Variants in FLT4 observed in about 807,000 individuals in gnomAD.
The protein encoded by FLT4 is vascular endothelial growth factor receptor 3.
In FLT4, 30 loss-of-function variants were observed where a neutral mutation model predicts 163.2. The observed-to-expected ratio is 0.18, with a 90% confidence interval of 0.14 to 0.25. The LOEUF is 0.25. Among genes scored for constraint, FLT4 ranks in the 10% least tolerant of loss-of-function variants. The pLI is 1.00. For synonymous variants in FLT4, 884 were observed against 789.5 expected (o/e 1.12, Z -2.01); for missense variants, 1,510 against 1,863.8 (o/e 0.81, Z 3.50).
chr5:180,650,267 G>T (rs939781812), upstream of FLT4, among the ~76,000 whole-genome samples: 2 of 151,866 alleles, frequency 1.3e-5, no homozygotes, highest in African/African-American at 4.8e-5. Flanking sequence ...CCCGTGAGCG[G>T]GACACCCGGG....
intron 24 of FLT4, 60 bp from the exon 25 acceptor site, chr5:180,613,170 C>T: frequency 8.4e-7 from 1 of 1,186,078 alleles, no homozygotes; most frequent in East Asian, 2.3e-5. Flanking sequence ...GCCCAGCCCC[C>T]CAAGTCACCC....
chr5:180,644,919 A>T (rs1031543125), intron 1 of FLT4, among the ~76,000 whole-genome samples: 54 of 152,234 alleles, frequency 3.5e-4, no homozygotes, highest in African/African-American at 1.3e-3. Flanking sequence ...CCTGCCCCGG[A>T]AGGCCCCTTC....
intron 21 of FLT4, 126 bp downstream of exon 21, chr5:180,618,643 TA>T: frequency 9.7e-7 from 1 of 1,029,960 alleles, no homozygotes; most frequent in Non-Finnish European, 1.4e-6. Context: ...CTTCCCTTCC[TA>T]AGGCAGAGCC....
intron 8 of FLT4, among the ~76,000 whole-genome samples, chr5:180,626,692 G>T (rs961094536): frequency 3.9e-5 from 6 of 152,218 alleles, no homozygotes; most frequent in Admixed American, 3.9e-4. Flanking sequence ...GCTGGGCACG[G>T]CCTGGAGACC....
At chr5:180,628,472 C>G (rs865936960) in intron 8 of FLT4, among the ~76,000 whole-genome samples, 4 of 152,354 alleles carry the variant, frequency 2.6e-5, no homozygotes, top group South Asian at 4.1e-4. Flanking sequence ...TGTGGCATCT[C>G]CAAATTTCTG....
Position 180,616,388 on chromosome 5 carries a change from G to C in FLT4, c.3198C>G (p.Pro1066=). The part of the protein sequence containing the change: ...FGLARDIYKD[P]DYVRKGSARL... ...TCACACTGCCCTTGCGGACGTAGTC[G>C]GGGTCTTTGTAGATGTCCCGGGCAA... is the stretch of plus-strand genomic sequence containing the variant. Residue 1066 remains proline (P), a synonymous_variant, in exon 23 of 30, where the codon CCC becomes CCG. Coordinates refer to ENST00000261937, the MANE Select transcript of FLT4 (RefSeq NM_182925.5). 6.2e-7 allele frequency: 1 copy of C among 1,613,820 alleles called. No homozygotes were observed. Among genetic ancestry groups the C allele is most frequent in the Non-Finnish European group, 8.5e-7 (1 of 1,179,928 alleles).
At chr5:180,610,707 C>T (rs1204817958) in intron 27 of FLT4, among the ~76,000 whole-genome samples, 1 of 152,216 alleles carries the variant, frequency 6.6e-6, no homozygotes, top group Non-Finnish European at 1.5e-5. Context: ...TTTAGATAAT[C>T]AGAGATTCCT....
chr5:180,632,992 C>G (rs1322098509), intron 1 of FLT4, among the ~76,000 whole-genome samples: 2 of 152,026 alleles, frequency 1.3e-5, no homozygotes, highest in Non-Finnish European at 2.9e-5. Flanking sequence ...CTTCTGCCCC[C>G]AGGCCCCTCC....
chr5:180,605,395 A>G (rs1211404697), intron 29 of FLT4, among the ~76,000 whole-genome samples: 2 of 152,126 alleles, frequency 1.3e-5, no homozygotes, highest in Admixed American at 6.5e-5. Flanking sequence ...TTGTTTCCTT[A>G]TATGTTTAAT....
In FLT4 at chr5:180,618,863, C is replaced by G; in HGVS notation, c.2908G>C (p.Asp970His). ...FRAMVELARL[D>H]RRRPGSSDRV... The stretch of plus-strand genomic sequence containing the variant: ...TCGCTGCTCCCCGGCCGCCTCCGAT[C>G]CAGCCTGGCGAGCTCCACCATGGCG... Residue 970 changes from aspartate to histidine, a missense_variant, in exon 21 of 30, where the codon GAT becomes CAT. Asp to His is a moderately conservative substitution (Grantham distance 81). Transcript: ENST00000261937. 3 of 1,584,264 alleles carry G rather than the reference C, an allele frequency of 1.9e-6. No individual in the cohort carries two copies. Among genetic ancestry groups the G allele is most frequent in the Non-Finnish European group, 2.6e-6 (3 of 1,165,898 alleles).
Position 180,628,217 on chromosome 5 carries a change from G to C in FLT4, c.1103+665C>G, listed in dbSNP as rs1043498904. On this transcript the variant is annotated intron_variant, in intron 8 of 29. Coordinates refer to ENST00000261937, the MANE Select transcript of FLT4 (RefSeq NM_182925.5). Reference sequence around the variant, plus strand: ...GGGACTCAAAGTGTGACTGACTGTGGGTGAGCCATGTGGATGACTCAGACG... The same window carrying C: ...GGGACTCAAAGTGTGACTGACTGTGCGTGAGCCATGTGGATGACTCAGACG... Among the ~76,000 whole-genome samples the C allele has an allele frequency of 6.6e-5, 10 of 152,344 alleles. No individual in the cohort carries two copies. The South Asian group carries it at 2.1e-3, about 32-fold the overall frequency.
In FLT4 at chr5:180,630,938, C is replaced by T. The variant is rs1013524072; in HGVS notation, c.156-139G>A. 2.8e-6 allele frequency: 3 copies of T among 1,067,948 alleles called. No individual in the cohort carries two copies. The highest frequency in any genetic ancestry group is 3.2e-5 in the African/African-American group (2 of 62,668). The allele number at this position is 1,067,948 out of a possible 1,614,324, so 66.2% of individuals were successfully genotyped here. On this transcript the variant is annotated intron_variant, in intron 2 of 29. Coordinates refer to ENST00000261937, the MANE Select transcript of FLT4 (RefSeq NM_182925.5). The surrounding 1 kb of genome is among the most constrained non-coding windows in gnomAD (Gnocchi z 6.3). ...CTGCCCAGGGTTTGGGCGCACACTACAGACCGTGCCCAGGGCAGGGCACTC... is the reference window on the plus strand; with the variant it reads ...CTGCCCAGGGTTTGGGCGCACACTATAGACCGTGCCCAGGGCAGGGCACTC...
At chr5:180,613,655 G>T in intron 24 of FLT4, 1 of 322,248 alleles carries the variant, frequency 3.1e-6, no homozygotes. Context: ...GTTGCCACTT[G>T]GTGACATTTT....
In FLT4 at chr5:180,626,260, T is replaced by C. The variant is rs778849804; in HGVS notation, c.1109A>G (p.Lys370Arg). 3.7e-6 allele frequency: 6 copies of C among 1,612,082 alleles called. No homozygotes were observed. The East Asian group carries it at 1.3e-4, about 36-fold the overall frequency. Residue 370 changes from lysine to arginine, a missense_variant, in exon 9 of 30, where the codon AAG (lysine) becomes AGG (arginine). Physicochemically the swap from Lys to Arg is conservative, Grantham distance 26. Around this residue, in one of 5 missense-constraint regions of FLT4, gnomAD observed 878 missense variants for 1,016.7 expected, o/e 0.86. Transcript: ENST00000261937. ...AYPPPEFQWY[K>R]DGKALSGRHS... is the part of the protein sequence containing the mutation. ...GCGCCCGGACAGTGCCTTTCCATCC[T>C]TGTACCTGGCCAGGGAAGGGAGGTC... is the stretch of plus-strand genomic sequence containing the variant.
chr5:180,649,605 G>C, upstream of FLT4: 2 of 1,076,102 alleles, frequency 1.9e-6, no homozygotes, highest in Non-Finnish European at 1.2e-6. Flanking sequence ...GAAAGTGTCC[G>C]CGCGGGCGCC....
In FLT4 at chr5:180,609,997, A is replaced by G; in HGVS notation, c.3715T>C (p.Cys1239Arg). ...CGGGTCTCAGCCCCTCTGGCCAGGCACCCGGGAAAGGACACCCAGTTGTAA... is the reference window on the plus strand; with the variant it reads ...CGGGTCTCAGCCCCTCTGGCCAGGCGCCCGGGAAAGGACACCCAGTTGTAA... ...RYYNWVSFPG[C>R]LARGAETRGS... Residue 1239 changes from cysteine to arginine, a missense_variant, in exon 28 of 30, where the codon TGC (cysteine) becomes CGC (arginine). Around this residue, in one of 5 missense-constraint regions of FLT4, gnomAD observed 295 missense variants for 311.0 expected, o/e 0.95. Transcript: ENST00000261937. 1 of 1,613,858 alleles carries G rather than the reference A, an allele frequency of 6.2e-7. No homozygotes were observed. Among genetic ancestry groups the G allele is most frequent in the Non-Finnish European group, 8.5e-7 (1 of 1,179,752 alleles).
chr5:180,604,074 A>C (rs1303241174), intron 29 of FLT4, among the ~76,000 whole-genome samples: 1 of 152,152 alleles, frequency 6.6e-6, no homozygotes, highest in Non-Finnish European at 1.5e-5. Flanking sequence ...CACCAAGGAC[A>C]CAGTGGAGCA....
At chr5:180,644,031 A>G (rs931440382) in intron 1 of FLT4, among the ~76,000 whole-genome samples, 1 of 152,290 alleles carries the variant, frequency 6.6e-6, no homozygotes, top group East Asian at 1.9e-4. Context: ...CGTGTTGGCC[A>G]GGCTCTCAAA....
At chr5:180,625,787 G>A in intron 10 of FLT4, 82 bp downstream of exon 10, 2 of 1,308,116 alleles carry the variant, frequency 1.5e-6, no homozygotes, top group Non-Finnish European at 2.2e-6. Context: ...TGGGCAGTGA[G>A]GGGTGCTGTA....
Sources: gnomAD v4.1 joint callset for allele counts (sites outside exome capture counted in the v4.1 genomes callset) on GRCh38, gnomAD v4.1.1 for gene constraint, gnomAD v4.1.1 regional missense constraint, Gnocchi (gnomAD v3.1) non-coding constraint, MANE v1.5 for transcripts, NCBI Gene and HGNC (gene_info 2026-07-23, HGNC 2026-07-21) for gene names.